Variants in TGFB2 observed in about 807,000 individuals in gnomAD.
TGFB2 encodes transforming growth factor beta-2 proprotein.
A neutral mutation model predicts 42.7 loss-of-function variants in TGFB2; 13 were observed. The ratio of observed to expected loss-of-function variants is 0.30; its 90% CI spans 0.20 to 0.48. The LOEUF (loss-of-function observed/expected upper bound fraction) is 0.48, where lower values mean the gene tolerates loss of function less well. Among genes scored for constraint, TGFB2 ranks in the 20% least tolerant of loss-of-function variants. The probability of loss-of-function intolerance (pLI) is 0.99; values close to 1 mark genes in which losing one functional copy is unlikely to be tolerated. For synonymous variants in TGFB2, 193 were observed against 193.6 expected (o/e 1.00, Z 0.03); for missense variants, 390 against 517.5 (o/e 0.75, Z 2.39).
rs772514115 is a variant in TGFB2, at chr1:218,346,696, T to A, written c.-6T>A. On this transcript the variant is annotated 5_prime_UTR_variant, in exon 1 of 7. Transcript: ENST00000366930. The surrounding 1 kb of genome is among the most constrained non-coding windows in gnomAD (Gnocchi z 4.9). ...AAAACAACTTTTTTTTCCACTTTTT[T>A]AAAAAATGCACTACTGTGTGCTGAG... is the stretch of plus-strand genomic sequence containing the variant. 5.9e-5 allele frequency: 92 copies of A among 1,571,148 alleles called. No individual in the cohort carries two copies. The highest frequency in any genetic ancestry group is 1.7e-4 in the Middle Eastern group (1 of 5,954).
Position 218,405,350 on chromosome 1 carries a change from T to TTGC in TGFB2, c.510+20_510+21insCTG. ...TATATCAGGTAATGTTCATTTGTTG[T>TTGC]TGTTGTTGTTGTTGTTGTTGTTGTT... On this transcript the variant is annotated intron_variant, in intron 2 of 6. Transcript: ENST00000366930. The TTGC allele has an allele frequency of 6.2e-7, 1 of 1,610,616 alleles. No individual in the cohort carries two copies. Among genetic ancestry groups the TTGC allele is most frequent in the Non-Finnish European group, 8.5e-7 (1 of 1,179,114 alleles).
At chr1:218,379,487 C>CTTTTTTTTTTTTTTT (rs59224313) in intron 1 of TGFB2, among the ~76,000 whole-genome samples, 1 of 133,408 alleles carries the variant, frequency 7.5e-6, no homozygotes, top group South Asian at 2.4e-4. Context: ...TTCTTTCTTT[C>CTTTTTTTTTTTTTTT]TTTTTTTTTT....
At position 218,414,145 on chromosome 1, in the gene TGFB2, G is replaced by A. The variant is rs192701152; in HGVS notation, c.510+8813G>A. Among the ~76,000 whole-genome samples, 6 of 152,202 alleles carry A rather than the reference G, an allele frequency of 3.9e-5. No homozygotes were observed. The East Asian group carries it at 1.2e-3, about 29-fold the overall frequency. On this transcript the variant is annotated intron_variant, in intron 2 of 6. Transcript: ENST00000366930. ...GATTCTGATGCTGCAAAATTGAAAG[G>A]TGGGGTTTTTGTCATACCAGGGAGC... is the stretch of plus-strand genomic sequence containing the variant.
intron 2 of TGFB2, among the ~76,000 whole-genome samples, chr1:218,428,972 C>CTTTTTTTT (rs34950123): frequency 2.1e-5 from 2 of 95,880 alleles, no homozygotes; most frequent in African/African-American, 3.9e-5. Flanking sequence ...CCATGAGCAT[C>CTTTTTTTT]TTTTTTTTTT....
chr1:218,424,689 A>G (rs769330308), intron 2 of TGFB2, among the ~76,000 whole-genome samples: 9 of 152,216 alleles, frequency 5.9e-5, no homozygotes, highest in Non-Finnish European at 1.3e-4. Context: ...ACCTCATTCC[A>G]GAAAGGATTT....
chr1:218,395,611 C>CTTTTTTTTTT (rs35666134), intron 1 of TGFB2, among the ~76,000 whole-genome samples: 1 of 138,616 alleles, frequency 7.2e-6, no homozygotes, highest in African/African-American at 2.7e-5. Context: ...TTTTCTTTTT[C>CTTTTTTTTTT]TTTTTTTTTT....
intron 1 of TGFB2, among the ~76,000 whole-genome samples, chr1:218,366,935 G>C (rs562841443): frequency 6.6e-6 from 1 of 152,154 alleles, no homozygotes; most frequent in Admixed American, 6.5e-5. Context: ...TTTTTGCCAC[G>C]TGCTTTCCAT....
At chr1:218,428,996 T>C (rs1418470844) in intron 2 of TGFB2, among the ~76,000 whole-genome samples, 13 of 145,266 alleles carry the variant, frequency 8.9e-5, no homozygotes, top group Non-Finnish European at 2.0e-4. Flanking sequence ...TTTTTTTTTT[T>C]CTGAGACAGA....
chr1:218,433,694 T>G (rs1482979714), intron 2 of TGFB2, among the ~76,000 whole-genome samples: 1 of 152,164 alleles, frequency 6.6e-6, no homozygotes, highest in Non-Finnish European at 1.5e-5. Context: ...TCTTGTCCCT[T>G]CCTGTACCCC....
At chr1:218,404,436 G>T (rs1285681728) in intron 1 of TGFB2, among the ~76,000 whole-genome samples, 3 of 152,162 alleles carry the variant, frequency 2.0e-5, no homozygotes, top group African/African-American at 7.2e-5. Flanking sequence ...GCTTTAAAAT[G>T]TCATGTACCA....
intron 2 of TGFB2, among the ~76,000 whole-genome samples, chr1:218,431,991 A>G (rs1659822211): frequency 6.6e-6 from 1 of 152,098 alleles, no homozygotes; most frequent in African/African-American, 2.4e-5. Flanking sequence ...ACTATCTTAT[A>G]TTTTCATCTT....
intron 1 of TGFB2, among the ~76,000 whole-genome samples, chr1:218,370,975 TG>T (rs903982244): frequency 1.4e-4 from 21 of 152,060 alleles, no homozygotes; most frequent in African/African-American, 1.9e-4. Context: ...GTGGAGGAGT[TG>T]GGGAACAGGG....
chr1:218,390,461 A>G (rs1658284303), intron 1 of TGFB2, among the ~76,000 whole-genome samples: 1 of 152,078 alleles, frequency 6.6e-6, no homozygotes, highest in South Asian at 2.1e-4. Context: ...GCCATTTTTC[A>G]GTCAGTTTTT....
At chr1:218,390,695 A>G (rs1331761080) in intron 1 of TGFB2, among the ~76,000 whole-genome samples, 1 of 152,228 alleles carries the variant, frequency 6.6e-6, no homozygotes, top group African/African-American at 2.4e-5. Context: ...ACAGTGGCCC[A>G]ACCTTGAAGA....
chr1:218,367,274 A>G (rs957561401), intron 1 of TGFB2, among the ~76,000 whole-genome samples: 3 of 152,188 alleles, frequency 2.0e-5, no homozygotes, highest in African/African-American at 7.2e-5. Flanking sequence ...GTGTTCTGAG[A>G]CATTCCATGG....
intron 2 of TGFB2, among the ~76,000 whole-genome samples, chr1:218,409,461 A>C (rs1042695863): frequency 1.3e-5 from 2 of 152,124 alleles, no homozygotes; most frequent in African/African-American, 4.8e-5. Flanking sequence ...GGTGTTCTCC[A>C]ACTTTCCTTT....
chr1:218,421,515 T>C (rs1659454882), intron 2 of TGFB2, among the ~76,000 whole-genome samples: 1 of 152,132 alleles, frequency 6.6e-6, no homozygotes, highest in South Asian at 2.1e-4. Context: ...TGAAAAATAC[T>C]CTGTGGGGGT....
intron 4 of TGFB2, among the ~76,000 whole-genome samples, chr1:218,434,650 C>A (rs1659913914): frequency 6.6e-6 from 1 of 152,176 alleles, no homozygotes; most frequent in Non-Finnish European, 1.5e-5. Flanking sequence ...GTTTATAATT[C>A]TCAATGCCCA....
rs34825461 is a variant in TGFB2 at position 218,369,256 on chromosome 1, G to GAAA, written c.346+22244_346+22246dup. ...GGCAACAAAGCAAGATTCCGTCTCA[G>GAAA]AAAAAAAAAAAAAAAAAAAAAAAAA... On this transcript the variant is annotated intron_variant, in intron 1 of 6. Coordinates refer to ENST00000366930, the MANE Select transcript of TGFB2 (RefSeq NM_003238.6). 6.7e-4 allele frequency among the ~76,000 whole-genome samples: 24 copies of GAAA among 35,658 alleles called. 4 individuals carry two copies. Among genetic ancestry groups the GAAA allele is most frequent in the Non-Finnish European group, 8.9e-4 (17 of 19,098 alleles). The allele number at this position is 35,658 out of a possible 152,430, so 23.4% of individuals were successfully genotyped here. A position where few individuals can be genotyped will look rare whatever the true frequency, so the allele number is the denominator to read the frequency against.
Sources: allele counts gnomAD v4.1 joint callset (sites outside exome capture counted in the v4.1 genomes callset), GRCh38; gene constraint gnomAD v4.1.1; non-coding constraint Gnocchi (gnomAD v3.1); transcripts MANE v1.5; gene names NCBI Gene and HGNC (gene_info 2026-07-23, HGNC 2026-07-21).